Variants in FRMD4A observed in about 807,000 individuals in gnomAD.
FRMD4A encodes the protein FERM domain-containing protein 4A.
FRMD4A carries 29 observed loss-of-function variants against 129.1 expected under a neutral mutation model. The ratio of observed to expected loss-of-function variants is 0.22; its 90% CI spans 0.17 to 0.31. The LOEUF (loss-of-function observed/expected upper bound fraction) is 0.31. Among genes scored for constraint, FRMD4A ranks in the 10% least tolerant of loss-of-function variants. The pLI is 1.00. For synonymous variants in FRMD4A, 634 were observed against 571.6 expected (o/e 1.11, Z -1.56); for missense variants, 1,272 against 1,375.8 (o/e 0.92, Z 1.19).
intron 2 of FRMD4A, among the ~76,000 whole-genome samples, chr10:13,906,034 A>G (rs1424979921): frequency 6.6e-6 from 1 of 152,236 alleles, no homozygotes; most frequent in Non-Finnish European, 1.5e-5. Flanking sequence ...GTTCTGGGTC[A>G]ACAGGGCCGA....
At chr10:14,034,979 T>G (rs1833427804) in intron 2 of FRMD4A, among the ~76,000 whole-genome samples, 1 of 152,234 alleles carries the variant, frequency 6.6e-6, no homozygotes, top group African/African-American at 2.4e-5. Flanking sequence ...AGTTTCCTCA[T>G]GTGTCAAATT....
intron 3 of FRMD4A, among the ~76,000 whole-genome samples, chr10:13,833,824 CGGCTATGACATAGTGGAGCT>C (rs1564880153): frequency 6.6e-6 from 1 of 152,056 alleles, no homozygotes; most frequent in African/African-American, 2.4e-5. Flanking sequence ...AAAGGTCACC[CGGCTATGACATAGTGGAGCT>C]GGGCCTCAAA....
chr10:13,890,963 G>A (rs2027552), intron 2 of FRMD4A: 508,347 of 517,552 alleles, frequency 0.98, 250,125 homozygotes, highest in Non-Finnish European at 1. Context: ...CGCTCGTTAC[G>A]CACAGGCAGC....
At chr10:14,091,928 T>C (rs1281380887) in intron 2 of FRMD4A, among the ~76,000 whole-genome samples, 2 of 152,210 alleles carry the variant, frequency 1.3e-5, no homozygotes, top group Non-Finnish European at 2.9e-5. Flanking sequence ...GAACATATTA[T>C]TACAAGCACA....
chr10:14,002,646 C>A (rs776711189), intron 2 of FRMD4A, among the ~76,000 whole-genome samples: 3 of 152,146 alleles, frequency 2.0e-5, no homozygotes, highest in African/African-American at 7.2e-5. Context: ...TGCCATCGTA[C>A]GGAGGATTAT....
At chr10:13,901,964 A>C (rs1168209557) in intron 2 of FRMD4A, among the ~76,000 whole-genome samples, 3 of 152,214 alleles carry the variant, frequency 2.0e-5, no homozygotes, top group Non-Finnish European at 4.4e-5. Flanking sequence ...CAGGCTATCA[A>C]ATTTCTAGGA....
chr10:14,273,787 T>C (rs1422833690), intron 2 of FRMD4A, among the ~76,000 whole-genome samples: 1 of 152,092 alleles, frequency 6.6e-6, no homozygotes, highest in Non-Finnish European at 1.5e-5. Flanking sequence ...TTTGGGTCCT[T>C]TGATAAAAAT....
chr10:14,047,371 G>C (rs942568999), intron 2 of FRMD4A, among the ~76,000 whole-genome samples: 3 of 152,076 alleles, frequency 2.0e-5, no homozygotes, highest in Non-Finnish European at 4.4e-5. Context: ...CTATGGTCTG[G>C]GTATGAAAGG....
At chr10:13,925,586 T>C (rs1589291662) in intron 2 of FRMD4A, among the ~76,000 whole-genome samples, 1 of 92,448 alleles carries the variant, frequency 1.1e-5, no homozygotes, top group African/African-American at 3.9e-5. Flanking sequence ...TTTTTTTTTT[T>C]TTTTTTTTTT....
At chr10:14,165,255 T>C (rs773312978) in intron 2 of FRMD4A, among the ~76,000 whole-genome samples, 5 of 152,022 alleles carry the variant, frequency 3.3e-5, no homozygotes, top group Admixed American at 6.6e-5. Flanking sequence ...AACAAGCATA[T>C]GAAAAAATGC....
At chr10:13,824,620 C>T (rs371054904) in intron 3 of FRMD4A, among the ~76,000 whole-genome samples, 2 of 151,874 alleles carry the variant, frequency 1.3e-5, no homozygotes, top group Admixed American at 6.6e-5. Flanking sequence ...CAGCTGGGTA[C>T]GGTGGCTCAC....
chr10:13,933,906 A>T (rs943771356), intron 2 of FRMD4A, among the ~76,000 whole-genome samples: 1 of 152,222 alleles, frequency 6.6e-6, no homozygotes, highest in Non-Finnish European at 1.5e-5. Flanking sequence ...GAAGCTGAAC[A>T]AAATCTAGAA....
intron 2 of FRMD4A, among the ~76,000 whole-genome samples, chr10:14,016,358 G>A (rs1565186781): frequency 1.3e-5 from 2 of 152,232 alleles, no homozygotes; most frequent in Non-Finnish European, 2.9e-5. Flanking sequence ...AACAATGTTT[G>A]TGAAAGTTCT....
chr10:14,045,485 C>G (rs939776410), intron 2 of FRMD4A, among the ~76,000 whole-genome samples: 1 of 151,858 alleles, frequency 6.6e-6, no homozygotes, highest in Admixed American at 6.6e-5. Context: ...GAGTTATATA[C>G]TTTAAACACA....
At chr10:13,854,957 G>A (rs1343606875) in intron 3 of FRMD4A, among the ~76,000 whole-genome samples, 1 of 152,158 alleles carries the variant, frequency 6.6e-6, no homozygotes, top group African/African-American at 2.4e-5. Flanking sequence ...GTAAAGACGT[G>A]GGTGTCAGGA....
chr10:14,131,396 G>GCCCCC lies in FRMD4A; in HGVS notation c.45+198657_45+198661dup, dbSNP rs145039808. 1.7e-3 allele frequency among the ~76,000 whole-genome samples: 255 copies of GCCCCC among 148,950 alleles called. 1 individual carries two copies. The highest frequency in any genetic ancestry group is 5.3e-3 in the African/African-American group (212 of 40,158). On this transcript the variant is annotated intron_variant, in intron 2 of 24. Transcript: ENST00000357447. Reference sequence around the variant, plus strand: ...TTAGCTCCTTAGCCCAACTCACTGTGCCCCCCCCGGCCGCCCTGTTGTCTC... The same window carrying GCCCCC: ...TTAGCTCCTTAGCCCAACTCACTGTGCCCCCCCCCCCCCGGCCGCCCTGTTGTCTC...
intron 6 of FRMD4A, among the ~76,000 whole-genome samples, chr10:13,767,378 A>C (rs1468482148): frequency 6.6e-6 from 1 of 152,164 alleles, no homozygotes; most frequent in Non-Finnish European, 1.5e-5. Context: ...AGCTAGGATT[A>C]CAGGTGTGCG....
At chr10:13,748,941 T>G (rs1425362477) in intron 8 of FRMD4A, among the ~76,000 whole-genome samples, 2 of 152,222 alleles carry the variant, frequency 1.3e-5, no homozygotes, top group Admixed American at 1.3e-4. Flanking sequence ...TTCTTTTCCC[T>G]GTAGACTCAC....
intron 2 of FRMD4A, among the ~76,000 whole-genome samples, chr10:14,171,506 C>T (rs1291572926): frequency 6.6e-6 from 1 of 152,176 alleles, no homozygotes; most frequent in Non-Finnish European, 1.5e-5. Flanking sequence ...CAAGTGTGGC[C>T]GCCCACCCAG....
Sources: allele counts gnomAD v4.1 joint callset (sites outside exome capture counted in the v4.1 genomes callset), GRCh38; gene constraint gnomAD v4.1.1; transcripts MANE v1.5; gene names NCBI Gene and HGNC (gene_info 2026-07-23, HGNC 2026-07-21).